MYT1L: variants seen among roughly 807,000 people sequenced by gnomAD.
MYT1L encodes myelin transcription factor 1-like protein.
Under a neutral mutation model 126.7 loss-of-function variants are expected in MYT1L, and 12 were observed. The ratio of observed to expected loss-of-function variants is 0.09; its 90% CI spans 0.06 to 0.15. The LOEUF (loss-of-function observed/expected upper bound fraction) is 0.15, where lower values mean the gene tolerates loss of function less well. Among genes scored for constraint, MYT1L ranks in the 10% least tolerant of loss-of-function variants. The probability of loss-of-function intolerance (pLI) is 1.00; values close to 1 mark genes in which losing one functional copy is unlikely to be tolerated. For missense variants in MYT1L, 979 were observed against 1,585.2 expected (o/e 0.62, Z 6.49); for synonymous variants, 541 against 604.2 (o/e 0.90, Z 1.53).
At chr2:2,136,450 G>C (rs1307305549) in intron 3 of MYT1L, among the ~76,000 whole-genome samples, 1 of 152,152 alleles carries the variant, frequency 6.6e-6, no homozygotes, top group Non-Finnish European at 1.5e-5. Flanking sequence ...ACATTTCTCA[G>C]CTCTGGGTAA....
intron 3 of MYT1L, among the ~76,000 whole-genome samples, chr2:2,151,734 A>G (rs1376988482): frequency 6.6e-6 from 1 of 152,234 alleles, no homozygotes; most frequent in Non-Finnish European, 1.5e-5. Context: ...AACAACAGTA[A>G]CTAACAAAAA....
intron 2 of MYT1L, among the ~76,000 whole-genome samples, chr2:2,197,007 A>AAT (rs1474062425): frequency 2.0e-5 from 3 of 152,106 alleles, no homozygotes; most frequent in Non-Finnish European, 4.4e-5. Flanking sequence ...AAAAAGAAGA[A>AAT]ATATATTACA....
chr2:2,307,038 A>G (rs1234138900), intron 1 of MYT1L, among the ~76,000 whole-genome samples: 1 of 152,210 alleles, frequency 6.6e-6, no homozygotes, highest in Non-Finnish European at 1.5e-5. Flanking sequence ...GTGTGTTTGC[A>G]TAGACACCAG....
At position 1,887,739 on chromosome 2, in the gene MYT1L, TG is replaced by T. The variant is rs1386020269; in HGVS notation, c.2521-131del. The T allele has an allele frequency of 1.8e-6, 2 of 1,122,588 alleles. No homozygotes were observed. The highest frequency in any genetic ancestry group is 3.1e-5 in the African/African-American group (2 of 64,354). 69.5% of individuals were successfully genotyped at this position (1,122,588 alleles called of 1,614,324 possible). On this transcript the variant is annotated intron_variant, in intron 16 of 24. Transcript: ENST00000647738. The surrounding 1 kb of genome is among the most constrained non-coding windows in gnomAD (Gnocchi z 4.8). ...TTCTGCTGTACCTTTAAGATCCTTT[TG>T]GTCCTGATAACGCCCCTACTGAAAA...
chr2:2,044,865 C>T lies in MYT1L; in HGVS notation c.-158+9113G>A, dbSNP rs184449467. ...CCTACCTCTATTTTGGGATGCAAGC[C>T]CTGTTATCACTGAACAGAATGACAT... is the stretch of plus-strand genomic sequence containing the variant. On this transcript the variant is annotated intron_variant, in intron 4 of 24. Coordinates refer to ENST00000647738, the MANE Select transcript of MYT1L (RefSeq NM_001303052.2). Among the ~76,000 whole-genome samples, 54 of 152,248 alleles carry T rather than the reference C, an allele frequency of 3.5e-4. No individual in the cohort carries two copies. The East Asian group carries it at 0.01, about 29-fold the overall frequency.
chr2:1,790,777 A>G lies in MYT1L; in HGVS notation c.*1090T>C, dbSNP rs2147774561. The G allele has an allele frequency of 6.4e-6, 1 of 156,310 alleles. No individual in the cohort carries two copies. Among genetic ancestry groups the G allele is most frequent in the East Asian group, 1.9e-4 (1 of 5,310 alleles). The allele number at this position is 156,310 out of a possible 1,614,324, so 9.7% of individuals were successfully genotyped here. ...CGGTCCAGTAACTAGAAGACTCACA[A>G]ATCATTTGCCTTTATCCCTCAAATG... On this transcript the variant is annotated 3_prime_UTR_variant, in exon 25 of 25. Coordinates refer to ENST00000647738, the MANE Select transcript of MYT1L (RefSeq NM_001303052.2).
At chr2:2,204,187 G>C (rs1020348931) in intron 2 of MYT1L, among the ~76,000 whole-genome samples, 26 of 152,164 alleles carry the variant, frequency 1.7e-4, no homozygotes, top group African/African-American at 6.0e-4. Flanking sequence ...ATATCATTCA[G>C]GACATAGGCA....
chr2:1,861,445 A>T (rs569379343), intron 18 of MYT1L, among the ~76,000 whole-genome samples: 24 of 151,474 alleles, frequency 1.6e-4, no homozygotes, highest in African/African-American at 5.3e-4. Context: ...GTTGATCCTC[A>T]TCCTTTACAT....
At chr2:1,980,197 T>A (rs1419991026) in intron 5 of MYT1L, among the ~76,000 whole-genome samples, 6 of 147,884 alleles carry the variant, frequency 4.1e-5, no homozygotes, top group Non-Finnish European at 4.5e-5. Context: ...CTTATGTATA[T>A]ATAAAAACAA....
intron 3 of MYT1L, among the ~76,000 whole-genome samples, chr2:2,123,305 A>G (rs2081288495): frequency 1.3e-5 from 2 of 152,152 alleles, no homozygotes; most frequent in South Asian, 4.1e-4. Context: ...AATCCCTAGA[A>G]CCTGGGGATA....
At chr2:1,826,848 C>G (rs1454052240) in intron 21 of MYT1L, 2 of 59,374 alleles carry the variant, frequency 3.4e-5, no homozygotes, top group African/African-American at 1.1e-4. Flanking sequence ...GCAGGGGGAG[C>G]ATGGGGTGGG....
chr2:2,043,338 T>C (rs2067767160), intron 4 of MYT1L, among the ~76,000 whole-genome samples: 1 of 151,710 alleles, frequency 6.6e-6, no homozygotes, highest in Non-Finnish European at 1.5e-5. Flanking sequence ...AACAGTAAAT[T>C]ACAATGGGAA....
intron 4 of MYT1L, among the ~76,000 whole-genome samples, chr2:2,004,339 GTTCTTTCCT>G (rs2062870760): frequency 7.9e-6 from 1 of 126,148 alleles, no homozygotes; most frequent in Non-Finnish European, 1.7e-5. Context: ...TCCTGCATAC[GTTCTTTCCT>G]GCGTGCCTTC....
At chr2:1,856,978 G>A (rs1452294726) in intron 18 of MYT1L, among the ~76,000 whole-genome samples, 1 of 152,232 alleles carries the variant, frequency 6.6e-6, no homozygotes, top group Non-Finnish European at 1.5e-5. Flanking sequence ...AACACCCAGA[G>A]TCAGTGAGGA....
intron 3 of MYT1L, among the ~76,000 whole-genome samples, chr2:2,071,525 G>A (rs759759884): frequency 1.3e-4 from 20 of 152,140 alleles, no homozygotes; most frequent in Non-Finnish European, 2.9e-5. Flanking sequence ...GGACGCCATG[G>A]GCTCACCTTG....
At chr2:1,883,670 G>C (rs1331223629) in intron 18 of MYT1L, among the ~76,000 whole-genome samples, 1 of 152,164 alleles carries the variant, frequency 6.6e-6, no homozygotes, top group Non-Finnish European at 1.5e-5. Flanking sequence ...CATACAAGGT[G>C]ACGGTGAACT....
At chr2:2,215,758 C>T (rs2093657330) in intron 2 of MYT1L, among the ~76,000 whole-genome samples, 1 of 152,168 alleles carries the variant, frequency 6.6e-6, no homozygotes, top group Non-Finnish European at 1.5e-5. Context: ...TGAACATTTA[C>T]CAAGTGATAT....
At chr2:1,857,829 T>C (rs913324432) in intron 18 of MYT1L, among the ~76,000 whole-genome samples, 3 of 151,792 alleles carry the variant, frequency 2.0e-5, no homozygotes, top group African/African-American at 7.3e-5. Context: ...ACCAGAGACA[T>C]GGTAAAAAAA....
chr2:2,131,298 T>A lies in MYT1L; in HGVS notation c.-304+41574A>T, dbSNP rs140667339. Among the ~76,000 whole-genome samples the A allele has an allele frequency of 2.6e-5, 4 of 152,314 alleles. No individual in the cohort carries two copies. The East Asian group carries it at 7.7e-4, about 29-fold the overall frequency. On this transcript the variant is annotated intron_variant, in intron 3 of 24. Coordinates refer to ENST00000647738, the MANE Select transcript of MYT1L (RefSeq NM_001303052.2). ...GAGGAAACACCACTTAGTGCACAGATGCGCATAAATCAAACAGCCTATGAT... is the reference window on the plus strand; with the variant it reads ...GAGGAAACACCACTTAGTGCACAGAAGCGCATAAATCAAACAGCCTATGAT...
Sources: gnomAD v4.1 joint callset for allele counts (sites outside exome capture counted in the v4.1 genomes callset) on GRCh38, gnomAD v4.1.1 for gene constraint, Gnocchi (gnomAD v3.1) non-coding constraint, MANE v1.5 for transcripts, NCBI Gene and HGNC (gene_info 2026-07-23, HGNC 2026-07-21) for gene names.